The following EPB41L1 variants were observed in gnomAD, a reference collection of about 807,000 sequenced individuals.
The protein encoded by EPB41L1 is band 4.1-like protein 1.
Under a neutral mutation model 97.8 loss-of-function variants are expected in EPB41L1, and 29 were observed. That is an observed-to-expected ratio of 0.30 (90% CI 0.22 to 0.40). EPB41L1 has a LOEUF of 0.40. EPB41L1 is among the 10% of genes least tolerant of loss of function. The pLI, the probability that EPB41L1 is intolerant of heterozygous loss-of-function variation, is 1.00. For synonymous variants in EPB41L1, 383 were observed against 459.2 expected, an observed-to-expected ratio of 0.83 and a Z score of 2.12; for missense variants, 812 against 1,162.3, an observed-to-expected ratio of 0.70 and a Z score of 4.38.
chr20:36,122,631 C>G (rs1189250596), intron 2 of EPB41L1: 2 of 152,436 alleles, frequency 1.3e-5, no homozygotes, highest in African/African-American at 4.8e-5. Flanking sequence ...TACCCCCATA[C>G]CCCCAAATCC....
chr20:36,105,725 CT>C (rs1207729922), intron 1 of EPB41L1, among the ~76,000 whole-genome samples: 1 of 152,164 alleles, frequency 6.6e-6, no homozygotes, highest in Non-Finnish European at 1.5e-5. Context: ...GCAAATGCCC[CT>C]AGCCCCAGAT....
intron 14 of EPB41L1, chr20:36,208,431 C>T: frequency 2.6e-6 from 1 of 380,300 alleles, no homozygotes; most frequent in Non-Finnish European, 5.3e-6. Flanking sequence ...CCTCTGTGCC[C>T]TGATGACCCA....
In EPB41L1 at chr20:36,100,900, G is replaced by A. The variant is rs111644665; in HGVS notation, c.-65+9288G>A. On this transcript the variant is annotated intron_variant, in intron 1 of 19. Coordinates refer to the EPB41L1 transcript ENST00000202028. ...TTCTACAGCATCAGCCTTGGGGCCC[G>A]CCAAGGCTCTGAGCCCATCTGGTTC... is the stretch of plus-strand genomic sequence containing the variant. Among the ~76,000 whole-genome samples the A allele has an allele frequency of 2.5e-3, 375 of 152,224 alleles. 2 individuals carry two copies. Among genetic ancestry groups the A allele is most frequent in the African/African-American group, 8.4e-3 (347 of 41,550 alleles).
rs540713849 is a variant in EPB41L1 at position 36,175,670 on chromosome 20, C to T, written c.297C>T (p.Cys99=). 4 of 1,614,126 alleles carry T rather than the reference C, an allele frequency of 2.5e-6. No individual in the cohort carries two copies. The Admixed American group carries it at 5.0e-5, about 20-fold the overall frequency. The change falls in exon 3 of 22, where the codon TGC becomes TGT. Residue 99 remains cysteine, a synonymous_variant. Transcript: ENST00000338074. Reference sequence around the variant, plus strand: ...CCAAGAAATACAAGAGTGCCATCTGCCGGGTCACTCTGCTTGATGCCTCGG... The same window carrying T: ...CCAAGAAATACAAGAGTGCCATCTGTCGGGTCACTCTGCTTGATGCCTCGG... ...KIAKKYKSAI[C]RVTLLDASEY... is the part of the protein sequence containing the mutation.
intron 1 of EPB41L1, among the ~76,000 whole-genome samples, chr20:36,164,364 C>T (rs1231509527): frequency 1.3e-5 from 2 of 152,222 alleles, no homozygotes; most frequent in African/African-American, 4.8e-5. Context: ...CTATTAAAAA[C>T]ATCATTCAAA....
chr20:36,127,554 C>A (rs533426181), intron 2 of EPB41L1, among the ~76,000 whole-genome samples: 2 of 152,160 alleles, frequency 1.3e-5, no homozygotes, highest in African/African-American at 4.8e-5. Flanking sequence ...CTGCCCCAGG[C>A]CTTTCATCCT....
chr20:36,206,305 A>G lies in EPB41L1; in HGVS notation c.1669-3183A>G, dbSNP rs751956460. 1.3e-5 allele frequency: 17 copies of G among 1,289,876 alleles called. No individual in the cohort carries two copies. In the South Asian group the frequency reaches 2.0e-4, roughly 15 times the overall value. The allele number at this position is 1,289,876 out of a possible 1,614,324, so 79.9% of individuals were successfully genotyped here. A position where few individuals can be genotyped will look rare whatever the true frequency, so the allele number is the denominator to read the frequency against. ...GAGGAAGGGGCTGGAGGAGCCTCAC[A>G]CTTGTGGGAGACCCACTGCTCCAGG... On this transcript the variant is annotated intron_variant, in intron 14 of 21. Coordinates refer to ENST00000338074, the MANE Select transcript of EPB41L1 (RefSeq NM_012156.2). This position sits in a 1 kb window ranked among gnomAD's most constrained non-coding sequence, Gnocchi z 5.5.
intron 1 of EPB41L1, among the ~76,000 whole-genome samples, chr20:36,156,570 G>T (rs1569156130): frequency 6.6e-6 from 1 of 152,186 alleles, no homozygotes; most frequent in Non-Finnish European, 1.5e-5. Context: ...TGCAGCTCAG[G>T]TGCTGGCTTC....
At chr20:36,220,152 G>A (rs2063697904) in intron 19 of EPB41L1, among the ~76,000 whole-genome samples, 2 of 152,260 alleles carry the variant, frequency 1.3e-5, no homozygotes, top group African/African-American at 2.4e-5. Context: ...ACATATGGGA[G>A]GCCCTGCAAG....
chr20:36,165,506 C>G (rs1024837969), intron 1 of EPB41L1, among the ~76,000 whole-genome samples: 35 of 152,120 alleles, frequency 2.3e-4, no homozygotes, highest in Non-Finnish European at 5.9e-5. Context: ...CAAGACCAGC[C>G]TGGCCAACAT....
chr20:36,178,614 CT>C lies in EPB41L1; in HGVS notation c.448-15del. 6.2e-7 allele frequency: 1 copy of C among 1,613,840 alleles called. No homozygotes were observed. Among genetic ancestry groups the C allele is most frequent in the Non-Finnish European group, 8.5e-7 (1 of 1,179,696 alleles). ...TCCTGCGTCTTCCCTCTGAAGATCT[CT>C]ATCTTTTCTTTTAGAACTGGCTGGA... is the stretch of plus-strand genomic sequence containing the variant. On this transcript the variant is annotated splice_polypyrimidine_tract_variant and intron_variant, in intron 4 of 21. Transcript: ENST00000338074.
intron 2 of EPB41L1, among the ~76,000 whole-genome samples, chr20:36,143,290 C>T (rs946323609): frequency 6.6e-6 from 1 of 151,862 alleles, no homozygotes; most frequent in South Asian, 2.1e-4. Context: ...TCTACCCTCT[C>T]ATAGCTGGGG....
chr20:36,097,484 C>T (rs541297846), intron 1 of EPB41L1, among the ~76,000 whole-genome samples: 1 of 152,296 alleles, frequency 6.6e-6, no homozygotes, highest in South Asian at 2.1e-4. Flanking sequence ...CTATTATGAC[C>T]ATTATTGCTA....
intron 1 of EPB41L1, among the ~76,000 whole-genome samples, chr20:36,158,581 C>T (rs1005752010): frequency 6.6e-6 from 1 of 152,112 alleles, no homozygotes; most frequent in Non-Finnish European, 1.5e-5. Flanking sequence ...TGGGAGGTGA[C>T]TCAGAAAGTC....
chr20:36,228,482 C>T (rs2064313035), intron 21 of EPB41L1, among the ~76,000 whole-genome samples: 1 of 152,200 alleles, frequency 6.6e-6, no homozygotes, highest in Non-Finnish European at 1.5e-5. Context: ...AGAAGGATCA[C>T]TTGCAGCCAG....
Position 36,093,772 on chromosome 20 carries a change from A to G in EPB41L1, c.-65+2160A>G, listed in dbSNP as rs886214745. Among the ~76,000 whole-genome samples the G allele has an allele frequency of 4.6e-5, 7 of 152,052 alleles. No homozygotes were observed. Among genetic ancestry groups the G allele is most frequent in the East Asian group, 3.9e-4 (2 of 5,162 alleles). On this transcript the variant is annotated intron_variant, in intron 1 of 19. Coordinates refer to the EPB41L1 transcript ENST00000202028. This position sits in a 1 kb window ranked among gnomAD's most constrained non-coding sequence, Gnocchi z 5.4. ...GCGGGGTGGTGGTGGTAGCAACAGC[A>G]GTTTCCAGGCTGGTGACCAGCCGGT... is the stretch of plus-strand genomic sequence containing the variant.
intron 1 of EPB41L1, among the ~76,000 whole-genome samples, chr20:36,169,747 A>T (rs889411906): frequency 2.0e-5 from 3 of 150,802 alleles, no homozygotes; most frequent in African/African-American, 4.9e-5. Context: ...TTCCACCTTC[A>T]CCTCCCCACC....
chr20:36,174,657 C>G (rs1277755488), intron 2 of EPB41L1, among the ~76,000 whole-genome samples: 1 of 151,650 alleles, frequency 6.6e-6, no homozygotes, highest in African/African-American at 2.4e-5. Flanking sequence ...CTCGAGTGAT[C>G]CTCCCACCTT....
chr20:36,222,575 G>A (rs1204261180), intron 21 of EPB41L1, among the ~76,000 whole-genome samples, 181 bp downstream of exon 21: 2 of 152,132 alleles, frequency 1.3e-5, no homozygotes, highest in Non-Finnish European at 2.9e-5. Flanking sequence ...GATACAAGTC[G>A]GTGGGGAGAA....
Sources: gnomAD v4.1 joint callset for allele counts (sites outside exome capture counted in the v4.1 genomes callset) on GRCh38, gnomAD v4.1.1 for gene constraint, Gnocchi (gnomAD v3.1) non-coding constraint, MANE v1.5 for transcripts, NCBI Gene and HGNC (gene_info 2026-07-23, HGNC 2026-07-21) for gene names.